The following DPP6 variants were observed in gnomAD, a reference collection of about 807,000 sequenced individuals.
The protein encoded by DPP6 is A-type potassium channel modulatory protein DPP6.
Under a neutral mutation model 122.6 loss-of-function variants are expected in DPP6, and 69 were observed. That is an observed-to-expected ratio of 0.56 (90% CI 0.46 to 0.69). The LOEUF is 0.69. Among genes scored for constraint, DPP6 ranks in the 30% least tolerant of loss-of-function variants. DPP6 has a pLI of 0.00. For synonymous variants in DPP6, 418 were observed against 433.1 expected (o/e 0.97, Z 0.43); for missense variants, 928 against 1,116.9 (o/e 0.83, Z 2.41).
chr7:153,798,960 A>T, the DPP6 span, among the ~76,000 whole-genome samples: 2 of 152,192 alleles, frequency 1.3e-5, no homozygotes, highest in Admixed American at 6.5e-5. Context: ...GCCACTGCTG[A>T]TCTGACAGGA....
At chr7:154,508,825 A>G (rs1825850918) in intron 3 of DPP6, among the ~76,000 whole-genome samples, 1 of 152,246 alleles carries the variant, frequency 6.6e-6, no homozygotes, top group Non-Finnish European at 1.5e-5. Context: ...GTAAAGTTGT[A>G]TAATATAATA....
chr7:153,763,118 G>A, the DPP6 span, among the ~76,000 whole-genome samples: 3 of 152,074 alleles, frequency 2.0e-5, no homozygotes, highest in Non-Finnish European at 2.9e-5. Flanking sequence ...TGAAGATCCC[G>A]CCCTCACTTT....
At chr7:153,853,063 A>C in the DPP6 span, among the ~76,000 whole-genome samples, 2 of 152,320 alleles carry the variant, frequency 1.3e-5, no homozygotes, top group South Asian at 4.1e-4. Flanking sequence ...AATTTTACTT[A>C]AAAGAGATAC....
At chr7:154,611,628 C>A (rs1392839765) in intron 5 of DPP6, among the ~76,000 whole-genome samples, 1 of 152,012 alleles carries the variant, frequency 6.6e-6, no homozygotes, top group Non-Finnish European at 1.5e-5. Context: ...TCTAATAGTG[C>A]TAACACTTTA....
intron 1 of DPP6, among the ~76,000 whole-genome samples, chr7:154,365,972 A>AAAG (rs1554528268): frequency 1.3e-5 from 2 of 149,242 alleles, no homozygotes; most frequent in African/African-American, 5.0e-5. Context: ...AAAAAAAAAA[A>AAAG]AAAAAAAGTG....
intron 3 of DPP6, among the ~76,000 whole-genome samples, chr7:154,537,376 A>G (rs1037203328): frequency 2.0e-5 from 3 of 152,236 alleles, no homozygotes; most frequent in Non-Finnish European, 2.9e-5. Context: ...GTATTGGAAG[A>G]TAGTAAGAAG....
At chr7:154,183,858 A>G (rs1285935843) in intron 1 of DPP6, among the ~76,000 whole-genome samples, 2 of 152,234 alleles carry the variant, frequency 1.3e-5, no homozygotes, top group Non-Finnish European at 1.5e-5. Context: ...AAGTGAGTGT[A>G]AAGAACTGTG....
At chr7:154,558,302 G>A (rs1830186372) in intron 4 of DPP6, among the ~76,000 whole-genome samples, 1 of 152,072 alleles carries the variant, frequency 6.6e-6, no homozygotes, top group Non-Finnish European at 1.5e-5. Flanking sequence ...AACACCAAAA[G>A]GCAGAACAAA....
intron 1 of DPP6, chr7:154,056,025 A>G (rs1356077708): frequency 1.3e-5 from 2 of 152,252 alleles, no homozygotes; most frequent in African/African-American, 4.8e-5. Flanking sequence ...CACAACCCAA[A>G]TAAAATTTAT....
intron 1 of DPP6, among the ~76,000 whole-genome samples, chr7:154,266,930 G>A (rs1359378711): frequency 6.6e-6 from 1 of 152,120 alleles, no homozygotes; most frequent in Non-Finnish European, 1.5e-5. Context: ...ACCTTGTCAG[G>A]TTTTGATATA....
intron 10 of DPP6, among the ~76,000 whole-genome samples, chr7:154,779,293 T>TCGCCTCC (rs1796879245): frequency 2.6e-5 from 1 of 38,006 alleles, no homozygotes; most frequent in Non-Finnish European, 6.4e-5. Flanking sequence ...CCACCCCCAC[T>TCGCCTCC]ACTATCACCA....
intron 1 of DPP6, among the ~76,000 whole-genome samples, chr7:154,353,818 T>C (rs1563532374): frequency 6.6e-6 from 1 of 152,254 alleles, no homozygotes; most frequent in South Asian, 2.1e-4. Flanking sequence ...CAAGTGTCTG[T>C]GGCTCACAGA....
intron 1 of DPP6, among the ~76,000 whole-genome samples, chr7:154,024,768 C>T (rs1437527857): frequency 6.6e-6 from 1 of 152,196 alleles, no homozygotes; most frequent in African/African-American, 2.4e-5. Context: ...CTTGTCTCCC[C>T]GTGAGTGTGA....
intron 3 of DPP6, among the ~76,000 whole-genome samples, chr7:154,515,916 G>T (rs1826459580): frequency 6.6e-6 from 1 of 152,190 alleles, no homozygotes; most frequent in South Asian, 2.1e-4. Flanking sequence ...TTGTGTGGGA[G>T]TGTCTGTGCC....
chr7:153,816,809 A>T, the DPP6 span, among the ~76,000 whole-genome samples: 1 of 151,948 alleles, frequency 6.6e-6, no homozygotes, highest in Non-Finnish European at 1.5e-5. Flanking sequence ...TACACAGAGA[A>T]ATGAGATTTG....
At chr7:153,956,472 G>GAT (rs1802467648) in intron 1 of DPP6, among the ~76,000 whole-genome samples, 1 of 152,216 alleles carries the variant, frequency 6.6e-6, no homozygotes, top group Admixed American at 6.5e-5. Flanking sequence ...AAGCCCAGGT[G>GAT]ATAGGTCTTC....
rs1425475553 is a variant in DPP6 at position 154,474,897 on chromosome 7, T to G, written c.359-42T>G. Reference sequence around the variant, plus strand: ...GTTTATGGTCCTCTCATTTTACTAATTATGAAACAAGCTTAACTCTTTGCT... The same window carrying G: ...GTTTATGGTCCTCTCATTTTACTAAGTATGAAACAAGCTTAACTCTTTGCT... On this transcript the variant is annotated intron_variant, in intron 2 of 25. Transcript: ENST00000377770. 7 of 1,477,742 alleles carry G rather than the reference T, an allele frequency of 4.7e-6. No individual in the cohort carries two copies. In the African/African-American group the frequency reaches 9.7e-5, roughly 21 times the overall value. 91.5% of individuals were successfully genotyped at this position (1,477,742 alleles called of 1,614,324 possible).
chr7:154,632,379 A>T (rs894885206), intron 5 of DPP6, among the ~76,000 whole-genome samples: 1 of 152,178 alleles, frequency 6.6e-6, no homozygotes, highest in Non-Finnish European at 1.5e-5. Context: ...GGATTTGAGA[A>T]AGACTTAGAA....
At chr7:154,014,803 C>A (rs1339898028) in intron 1 of DPP6, among the ~76,000 whole-genome samples, 2 of 152,046 alleles carry the variant, frequency 1.3e-5, no homozygotes, top group African/African-American at 4.8e-5. Context: ...AGTGTGTCTG[C>A]TATGGATAAT....
Sources: allele counts gnomAD v4.1 joint callset (sites outside exome capture counted in the v4.1 genomes callset), GRCh38; gene constraint gnomAD v4.1.1; transcripts MANE v1.5; gene names NCBI Gene and HGNC (gene_info 2026-07-23, HGNC 2026-07-21).